Variants in VOPP1 observed in about 807,000 individuals in gnomAD.
VOPP1 encodes VOPP1 WW domain binding protein.
VOPP1 carries 8 observed loss-of-function variants against 23.5 expected under a neutral mutation model. That is an observed-to-expected ratio of 0.34 (90% confidence interval 0.20 to 0.61). The LOEUF (loss-of-function observed/expected upper bound fraction) is 0.61. VOPP1 is among the 20% of genes least tolerant of loss of function. The pLI is 0.78. For synonymous variants in VOPP1, 83 were observed against 97.3 expected (o/e 0.85, Z 0.86); for missense variants, 174 against 238.1 (o/e 0.73, Z 1.77).
At chr7:55,544,122 C>A (rs1484303067) in intron 1 of VOPP1, among the ~76,000 whole-genome samples, 1 of 152,146 alleles carries the variant, frequency 6.6e-6, no homozygotes, top group African/African-American at 2.4e-5. Context: ...TTTCATTCTT[C>A]TTCATATGGA....
chr7:55,563,974 G>C (rs927644187), intron 1 of VOPP1, among the ~76,000 whole-genome samples: 2 of 152,150 alleles, frequency 1.3e-5, no homozygotes, highest in African/African-American at 4.8e-5. Flanking sequence ...AAAGAAAGGA[G>C]AATTCCTGAA....
At chr7:55,561,465 C>A (rs1220303088) in intron 1 of VOPP1, among the ~76,000 whole-genome samples, 1 of 152,058 alleles carries the variant, frequency 6.6e-6, no homozygotes, top group Non-Finnish European at 1.5e-5. Flanking sequence ...AGTCCCAGCT[C>A]TCTGGGAGGC....
intron 4 of VOPP1, among the ~76,000 whole-genome samples, chr7:55,485,189 T>C (rs1793042615): frequency 6.6e-6 from 1 of 152,212 alleles, no homozygotes; most frequent in Non-Finnish European, 1.5e-5. Context: ...CTCCTGGCTT[T>C]GTTTTCAGTA....
chr7:55,556,714 T>C (rs1445937506), intron 1 of VOPP1, among the ~76,000 whole-genome samples: 1 of 151,636 alleles, frequency 6.6e-6, no homozygotes, highest in Non-Finnish European at 1.5e-5. Context: ...TTTATGTTTC[T>C]CAGATTATAG....
chr7:55,529,638 G>C (rs1390655988), intron 1 of VOPP1, among the ~76,000 whole-genome samples: 1 of 152,154 alleles, frequency 6.6e-6, no homozygotes, highest in African/African-American at 2.4e-5. Context: ...AGTTTGATGA[G>C]TTTTAGGAAA....
At chr7:55,482,561 G>A (rs77146307) in intron 4 of VOPP1, among the ~76,000 whole-genome samples, 34 of 150,174 alleles carry the variant, frequency 2.3e-4, no homozygotes, top group East Asian at 1.6e-3. Context: ...GGGCGGTCTC[G>A]ATCTCCTGAC....
intron 2 of VOPP1, among the ~76,000 whole-genome samples, chr7:55,519,169 T>A (rs745885059): frequency 2.5e-4 from 38 of 152,200 alleles, no homozygotes; most frequent in South Asian, 2.5e-3. Flanking sequence ...ACTTCACTTT[T>A]CCATTTTTCT....
Position 55,521,496 on chromosome 7 carries a change from T to G in VOPP1, c.55-366A>C, listed in dbSNP as rs1056794603. On this transcript the variant is annotated intron_variant, in intron 1 of 4. Coordinates refer to ENST00000285279, the MANE Select transcript of VOPP1 (RefSeq NM_030796.5). ...CAAAGATTGCCACTGCCCCCCAATTTCTGTTTTAGAGAGACATCTCCAATA... is the reference window on the plus strand; with the variant it reads ...CAAAGATTGCCACTGCCCCCCAATTGCTGTTTTAGAGAGACATCTCCAATA... 14 of 1,026,922 alleles carry G rather than the reference T, an allele frequency of 1.4e-5. No individual in the cohort carries two copies. The African/African-American group carries it at 2.4e-4, about 17-fold the overall frequency. 63.6% of individuals were successfully genotyped at this position (1,026,922 alleles called of 1,614,324 possible).
At chr7:55,564,596 AC>A (rs1172327788) in intron 1 of VOPP1, among the ~76,000 whole-genome samples, 1 of 152,180 alleles carries the variant, frequency 6.6e-6, no homozygotes, top group Non-Finnish European at 1.5e-5. Flanking sequence ...GACGCTTATG[AC>A]AAAGTTTCTT....
intron 1 of VOPP1, among the ~76,000 whole-genome samples, chr7:55,544,924 T>C (rs555736612): frequency 3.3e-5 from 5 of 152,378 alleles, no homozygotes; most frequent in Admixed American, 2.6e-4. Context: ...ATATTTTAAA[T>C]ACATTTTACT....
At chr7:55,510,590 T>TA (rs1795010272) in intron 2 of VOPP1, among the ~76,000 whole-genome samples, 1 of 149,992 alleles carries the variant, frequency 6.7e-6, no homozygotes, top group South Asian at 2.1e-4. Context: ...TTTTTTTTTT[T>TA]AGCTTTTAAT....
intron 4 of VOPP1, among the ~76,000 whole-genome samples, chr7:55,484,444 G>A (rs1792978125): frequency 6.6e-6 from 1 of 152,088 alleles, no homozygotes; most frequent in South Asian, 2.1e-4. Context: ...AGTCGCTGGG[G>A]GGTGGGGGTG....
chr7:55,445,991 C>CTTT (rs3066310), intron 4 of VOPP1, among the ~76,000 whole-genome samples: 18 of 128,334 alleles, frequency 1.4e-4, no homozygotes, highest in Non-Finnish European at 1.9e-4. Flanking sequence ...CCAGGTGAAA[C>CTTT]TTTTTTTTTT....
Position 55,445,012 on chromosome 7 carries a change from G to A in VOPP1, n.418-8838C>T, listed in dbSNP as rs75769463. On this transcript the variant is annotated intron_variant and non_coding_transcript_variant, in intron 4 of 4. Coordinates refer to the VOPP1 transcript ENST00000462326. ...CTTGCTCTTTATGTAAAAAGAGGAGGAGCCAGACAACATCTTTGACCTTCT... is the reference window on the plus strand; with the variant it reads ...CTTGCTCTTTATGTAAAAAGAGGAGAAGCCAGACAACATCTTTGACCTTCT... Among the ~76,000 whole-genome samples the A allele has an allele frequency of 8.5e-3, 1,300 of 152,246 alleles. 18 individuals are homozygous for A. Among genetic ancestry groups the A allele is most frequent in the African/African-American group, 0.028 (1,170 of 41,538 alleles).
At chr7:55,452,420 A>C (rs1280486736) in intron 4 of VOPP1, among the ~76,000 whole-genome samples, 2 of 152,156 alleles carry the variant, frequency 1.3e-5, no homozygotes, top group Non-Finnish European at 2.9e-5. Context: ...GCTCCTGTTA[A>C]TGTTGGTATT....
chr7:55,446,594 C>G (rs1791107605), intron 4 of VOPP1, among the ~76,000 whole-genome samples: 1 of 152,160 alleles, frequency 6.6e-6, no homozygotes, highest in South Asian at 2.1e-4. Flanking sequence ...CATAGAGGTT[C>G]AAAACTTGCC....
At chr7:55,485,999 C>G (rs1793114579) in intron 4 of VOPP1, among the ~76,000 whole-genome samples, 1 of 152,238 alleles carries the variant, frequency 6.6e-6, no homozygotes, top group South Asian at 2.1e-4. Flanking sequence ...AGACCCAGAG[C>G]TTGCGTGAGC....
At chr7:55,529,714 C>T (rs1283969369) in intron 1 of VOPP1, among the ~76,000 whole-genome samples, 2 of 152,140 alleles carry the variant, frequency 1.3e-5, no homozygotes, top group Non-Finnish European at 2.9e-5. Flanking sequence ...TCAGAGAGTT[C>T]CCTCATGTTG....
chr7:55,502,412 C>G (rs745785945), intron 2 of VOPP1, among the ~76,000 whole-genome samples: 5 of 152,214 alleles, frequency 3.3e-5, no homozygotes, highest in Admixed American at 6.5e-5. Context: ...ACACAGGAAC[C>G]CTTTATGCTC....
Sources: allele counts gnomAD v4.1 joint callset (sites outside exome capture counted in the v4.1 genomes callset), GRCh38; gene constraint gnomAD v4.1.1; transcripts MANE v1.5; gene names NCBI Gene and HGNC (gene_info 2026-07-23, HGNC 2026-07-21).